HTR3C: variants seen among roughly 807,000 people sequenced by gnomAD.
HTR3C encodes the protein 5-hydroxytryptamine receptor 3C, also known as 5-HT3-C.
In HTR3C, 32 loss-of-function variants were observed where a neutral mutation model predicts 40.5. The observed-to-expected ratio is 0.79, with a 90% CI of 0.60 to 1.06. HTR3C has a LOEUF of 1.06. Ranked by LOEUF, HTR3C falls within the 50% of genes least tolerant of loss-of-function variation. HTR3C has a pLI of 0.00. For missense variants in HTR3C, 523 were observed against 556.8 expected (o/e 0.94, Z 0.61); for synonymous variants, 209 against 217.1 (o/e 0.96, Z 0.33).
chr3:184,060,487 A>C lies in HTR3C; in HGVS notation c.*135A>C. On this transcript the variant is annotated 3_prime_UTR_variant, in exon 9 of 9. Transcript: ENST00000318351. ...CCCCTTCTAAATTCCAAAGACTCCA[A>C]CGCAGCACTAGCAAGCAGGTTCGGG... 2.7e-6 allele frequency: 3 copies of C among 1,131,276 alleles called. No individual in the cohort carries two copies. Among genetic ancestry groups the C allele is most frequent in the Non-Finnish European group, 2.6e-6 (2 of 770,760 alleles). 70.1% of individuals were successfully genotyped at this position (1,131,276 alleles called of 1,614,324 possible).
chr3:184,060,369 T>C lies in HTR3C; in HGVS notation c.*17T>C. 6.2e-7 allele frequency: 1 copy of C among 1,614,030 alleles called. No homozygotes were observed. On this transcript the variant is annotated 3_prime_UTR_variant, in exon 9 of 9. Transcript: ENST00000318351. The stretch of plus-strand genomic sequence containing the variant: ...AACACCTAGGCAGACATCCCCCCTC[T>C]CTGGCAAACAACAGCTTGGAGTTTC...
chr3:184,060,420 A>C lies in HTR3C; in HGVS notation c.*68A>C, dbSNP rs189559432. 9.6e-4 allele frequency: 1,541 copies of C among 1,597,806 alleles called. 14 individuals are homozygous for C. Among genetic ancestry groups the C allele is most frequent in the Middle Eastern group, 3.0e-3 (18 of 6,018 alleles). On this transcript the variant is annotated 3_prime_UTR_variant, in exon 9 of 9. Coordinates refer to ENST00000318351, the MANE Select transcript of HTR3C (RefSeq NM_130770.3). Reference sequence around the variant, plus strand: ...TGCTGGTCTTGGGCCAGCCGGACTCATTTTCCTAATCTTAGCCACTTATCC... The same window carrying C: ...TGCTGGTCTTGGGCCAGCCGGACTCCTTTTCCTAATCTTAGCCACTTATCC...
chr3:184,059,775 G>A, intron 7 of HTR3C, 53 bp from the exon 8 acceptor site: 7 of 1,603,550 alleles, frequency 4.4e-6, no homozygotes, highest in Non-Finnish European at 5.1e-6. Flanking sequence ...GAGGCGTGAG[G>A]AATGCTTAGA....
In HTR3C at chr3:184,060,203, G is replaced by C. The variant is rs755789903; in HGVS notation, c.1195G>C (p.Glu399Gln). 6.2e-7 allele frequency: 1 copy of C among 1,614,158 alleles called. No individual in the cohort carries two copies. The highest frequency in any genetic ancestry group is 1.7e-5 in the Admixed American group (1 of 60,014). ...AGKKLGPRET[E>Q]PDGGSGWTKT... ...GAAGAAGCTGGGACCCAGAGAGACC[G>C]AGCCAGATGGGGGCTCAGGATGGAC... is the stretch of plus-strand genomic sequence containing the variant. Residue 399 changes from glutamate (E) to glutamine (Q), a missense_variant, in exon 9 of 9, where the codon GAG becomes CAG. Glu to Gln is a conservative substitution (Grantham distance 29, BLOSUM62 2). Transcript: ENST00000318351.
Position 184,055,573 on chromosome 3 carries a change from G to A in HTR3C, c.279+217G>A, listed in dbSNP as rs549327171. On this transcript the variant is annotated intron_variant, in intron 3 of 8. Transcript: ENST00000318351. ...TAATAAAAATACAAAAATTAGCTGG[G>A]CATGGTGGCAGGTGCCTGTAATCCC... Among the ~76,000 whole-genome samples, 222 of 152,010 alleles carry A rather than the reference G, an allele frequency of 1.5e-3. 2 individuals carry two copies. The highest frequency in any genetic ancestry group is 5.0e-3 in the African/African-American group (208 of 41,450).
chr3:184,054,200 G>C (rs1723278951), intron 1 of HTR3C, among the ~76,000 whole-genome samples: 1 of 152,186 alleles, frequency 6.6e-6, no homozygotes, highest in Admixed American at 6.5e-5. Context: ...TAAGCACCCA[G>C]TCAGATACCT....
intron 3 of HTR3C, among the ~76,000 whole-genome samples, chr3:184,055,701 C>T (rs56262615): frequency 0.067 from 8,517 of 126,986 alleles, 322 homozygotes; most frequent in Admixed American, 0.12. Flanking sequence ...ATGACAAGAA[C>T]GAAACTCCAT....
rs150890078 is a variant in HTR3C, at chr3:184,059,509, A to G, written c.794A>G (p.Asp265Gly). 20 of 1,614,024 alleles carry G rather than the reference A, an allele frequency of 1.2e-5. No individual in the cohort carries two copies. In the African/African-American group the frequency reaches 2.5e-4, roughly 20 times the overall value. Residue 265 changes from aspartate (D) to glycine (G), a missense_variant, in exon 7 of 9, where the codon GAT becomes GGT. Transcript: ENST00000318351. Reference sequence around the variant, plus strand: ...CCCAGTAGCTTTCTGGTTGCCATTGATGCCCTCAGCTTCTACCTGCCAGCA... The same window carrying G: ...CCCAGTAGCTTTCTGGTTGCCATTGGTGCCCTCAGCTTCTACCTGCCAGCA... ...LVPSSFLVAI[D>G]ALSFYLPAES... is the part of the protein sequence containing the mutation.
intron 5 of HTR3C, among the ~76,000 whole-genome samples, 170 bp from the exon 6 acceptor site, chr3:184,058,257 C>A (rs7616916): frequency 0.015 from 2,265 of 152,300 alleles, 64 homozygotes; most frequent in African/African-American, 0.051. Context: ...CCGCTGCCCA[C>A]ACACATATGA....
intron 1 of HTR3C, among the ~76,000 whole-genome samples, chr3:184,053,793 C>T (rs927617982): frequency 6.6e-6 from 1 of 152,084 alleles, no homozygotes; most frequent in African/African-American, 2.4e-5. Flanking sequence ...GTCGCTCTGT[C>T]GCCCAGGCTG....
At position 184,056,275 on chromosome 3, in the gene HTR3C, C is replaced by T; in HGVS notation, c.378C>T (p.Phe126=). Residue 126 remains phenylalanine (F), a synonymous_variant, in exon 4 of 9, where the codon TTC becomes TTT. Transcript: ENST00000318351. ...LAENLWLPDI[F]IVESMDVDQT... is the part of the protein sequence containing the mutation. Reference sequence around the variant, plus strand: ...AAAACCTGTGGCTCCCAGACATCTTCATCGTGGAATCGTGCGTATGCAGGC... The same window carrying T: ...AAAACCTGTGGCTCCCAGACATCTTTATCGTGGAATCGTGCGTATGCAGGC... The T allele has an allele frequency of 6.2e-7, 1 of 1,610,778 alleles. No individual in the cohort carries two copies. Among genetic ancestry groups the T allele is most frequent in the South Asian group, 1.1e-5 (1 of 91,008 alleles).
At position 184,058,516 on chromosome 3, in the gene HTR3C, C is replaced by T; in HGVS notation, c.649C>T (p.Leu217Phe). The T allele has an allele frequency of 6.2e-7, 1 of 1,613,592 alleles. No individual in the cohort carries two copies. Among genetic ancestry groups the T allele is most frequent in the Non-Finnish European group, 8.5e-7 (1 of 1,179,806 alleles). Residue 217 changes from leucine (L) to phenylalanine (F), a missense_variant, in exon 6 of 9, where the codon CTC (leucine) becomes TTC (phenylalanine). Physicochemically the swap from Leu to Phe is conservative, Grantham distance 22. Transcript: ENST00000318351. The part of the protein sequence containing the change: ...KVIQTQGEWE[L>F]LGINKATPKM... ...CATCCAAACCCAGGGGGAGTGGGAGCTCTTGGGCATCAACAAGGCCACCCC... is the reference window on the plus strand; with the variant it reads ...CATCCAAACCCAGGGGGAGTGGGAGTTCTTGGGCATCAACAAGGCCACCCC...
intron 4 of HTR3C, 31 bp from the exon 5 acceptor site, chr3:184,056,844 C>T (rs774874975): frequency 1.3e-6 from 2 of 1,556,452 alleles, no homozygotes; most frequent in African/African-American, 1.4e-5. Flanking sequence ...GCTGATTAAG[C>T]CTCCATCTCT....
chr3:184,053,678 C>T (rs532613196), intron 1 of HTR3C, among the ~76,000 whole-genome samples: 3 of 152,332 alleles, frequency 2.0e-5, no homozygotes, highest in Admixed American at 6.5e-5. Flanking sequence ...AGATGCCACT[C>T]AGGTACTACC....
At chr3:184,058,395 G>A (rs752007519) in intron 5 of HTR3C, 32 bp from the exon 6 acceptor site, 7 of 1,541,390 alleles carry the variant, frequency 4.5e-6, no homozygotes, top group African/African-American at 2.8e-5. Flanking sequence ...TTGGGAAAAC[G>A]TCTGCAATGA....
chr3:184,054,592 G>A (rs1047467929), intron 1 of HTR3C, 129 bp from the exon 2 acceptor site: 15 of 714,430 alleles, frequency 2.1e-5, no homozygotes, highest in African/African-American at 3.7e-5. Context: ...CCATGGCCTT[G>A]GGGAGTCTTG....
intron 6 of HTR3C, 126 bp downstream of exon 6, chr3:184,058,713 C>A: frequency 9.4e-7 from 1 of 1,062,516 alleles, no homozygotes; most frequent in Non-Finnish European, 1.3e-6. Context: ...ACCTGTAATC[C>A]CAGTACTTTG....
At chr3:184,059,293 C>A in intron 6 of HTR3C, 143 bp from the exon 7 acceptor site, 1 of 685,900 alleles carries the variant, frequency 1.5e-6, no homozygotes, top group Non-Finnish European at 2.5e-6. Context: ...CCTATGTAGG[C>A]GAGCACAATT....
intron 6 of HTR3C, 145 bp downstream of exon 6, chr3:184,058,732 A>G: frequency 1.2e-6 from 1 of 818,980 alleles, no homozygotes. Context: ...TGGGAGGCCG[A>G]GGGAGGCGGA....
Sources: allele counts gnomAD v4.1 joint callset (sites outside exome capture counted in the v4.1 genomes callset), GRCh38; gene constraint gnomAD v4.1.1; transcripts MANE v1.5; gene names NCBI Gene and HGNC (gene_info 2026-07-23, HGNC 2026-07-21).